The following KIAA0825 variants were observed in gnomAD, a reference collection of about 807,000 sequenced individuals.
KIAA0825 encodes the protein KIAA0825.
In KIAA0825, 119 loss-of-function variants were observed where a neutral mutation model predicts 147.6. The ratio of observed to expected loss-of-function variants is 0.81; its 90% confidence interval spans 0.69 to 0.94. The LOEUF (loss-of-function observed/expected upper bound fraction) is 0.94, where lower values mean the gene tolerates loss of function less well. KIAA0825 is among the 40% of genes least tolerant of loss of function. The pLI is 0.00. For synonymous variants in KIAA0825, 470 were observed against 518.1 expected, an observed-to-expected ratio of 0.91 and a Z score of 1.26; for missense variants, 1,381 against 1,472.7, an observed-to-expected ratio of 0.94 and a Z score of 1.02.
intron 20 of KIAA0825, among the ~76,000 whole-genome samples, chr5:94,330,127 C>T (rs1322526163): frequency 6.6e-6 from 1 of 152,024 alleles, no homozygotes; most frequent in African/African-American, 2.4e-5. Context: ...TTCTCCTACC[C>T]AATAAAGCAC....
At chr5:94,306,038 A>G (rs943346714) in intron 20 of KIAA0825, among the ~76,000 whole-genome samples, 5 of 151,886 alleles carry the variant, frequency 3.3e-5, no homozygotes, top group Non-Finnish European at 7.4e-5. Context: ...CCAATGGCCC[A>G]AGATCTTAAT....
intron 20 of KIAA0825, among the ~76,000 whole-genome samples, chr5:94,227,519 C>A (rs1275692342): frequency 1.3e-5 from 2 of 150,606 alleles, no homozygotes; most frequent in African/African-American, 4.9e-5. Context: ...GCACATTGTG[C>A]ACATGTACCC....
chr5:94,529,559 A>C (rs1347764600), intron 3 of KIAA0825, among the ~76,000 whole-genome samples: 1 of 151,754 alleles, frequency 6.6e-6, no homozygotes, highest in Admixed American at 6.6e-5. Context: ...GGGTACATAC[A>C]TACATGTTTA....
chr5:94,531,287 G>A (rs1471672862), intron 3 of KIAA0825, among the ~76,000 whole-genome samples: 7 of 152,056 alleles, frequency 4.6e-5, no homozygotes, highest in African/African-American at 7.2e-5. Context: ...GTATGATGAC[G>A]GAGAAAGGAG....
chr5:94,278,529 G>A (rs533313312), intron 20 of KIAA0825, among the ~76,000 whole-genome samples: 1 of 152,068 alleles, frequency 6.6e-6, no homozygotes, highest in Non-Finnish European at 1.5e-5. Context: ...TGTGATAAGG[G>A]ATTTTTTAAA....
chr5:94,213,913 C>T (rs575123729), intron 20 of KIAA0825, among the ~76,000 whole-genome samples: 1 of 152,210 alleles, frequency 6.6e-6, no homozygotes, highest in Non-Finnish European at 1.5e-5. Context: ...GCTTTGTTAT[C>T]TGTCCATGCA....
chr5:94,345,166 G>A lies in KIAA0825; in HGVS notation c.3710+39202C>T, dbSNP rs74876135. Reference sequence around the variant, plus strand: ...GAAGAGGATGGTGTTCAGAAAGAGCGTGGTGAGGGTGGGGAACTTCAAGGG... The same window carrying A: ...GAAGAGGATGGTGTTCAGAAAGAGCATGGTGAGGGTGGGGAACTTCAAGGG... On this transcript the variant is annotated intron_variant, in intron 20 of 20. Coordinates refer to ENST00000682413, the MANE Select transcript of KIAA0825 (RefSeq NM_001145678.3). Among the ~76,000 whole-genome samples the A allele has an allele frequency of 8.9e-4, 136 of 152,246 alleles. 1 individual carries two copies. Among genetic ancestry groups the A allele is most frequent in the East Asian group, 8.5e-3 (44 of 5,180 alleles).
At chr5:94,492,578 C>T (rs1280077514) in intron 5 of KIAA0825, among the ~76,000 whole-genome samples, 1 of 152,152 alleles carries the variant, frequency 6.6e-6, no homozygotes, top group Non-Finnish European at 1.5e-5. Flanking sequence ...TGACTGCATT[C>T]CCATTATCCA....
chr5:94,607,348 T>C (rs1787673552), intron 1 of KIAA0825, among the ~76,000 whole-genome samples: 1 of 152,048 alleles, frequency 6.6e-6, no homozygotes, highest in African/African-American at 2.4e-5. Context: ...TCAGGCTGGG[T>C]GCGGTGGCTC....
At chr5:94,512,946 A>G (rs1766715121) in intron 5 of KIAA0825, among the ~76,000 whole-genome samples, 1 of 152,180 alleles carries the variant, frequency 6.6e-6, no homozygotes, top group Admixed American at 6.5e-5. Context: ...TTAAGAGGGT[A>G]AAGCAGAAGC....
chr5:94,599,599 G>A (rs1010114864), intron 1 of KIAA0825, among the ~76,000 whole-genome samples: 1 of 151,894 alleles, frequency 6.6e-6, no homozygotes, highest in African/African-American at 2.4e-5. Context: ...ACTGGAGTAG[G>A]CAATGGTTTC....
chr5:94,334,463 C>T (rs1279403419), intron 20 of KIAA0825, among the ~76,000 whole-genome samples: 1 of 152,138 alleles, frequency 6.6e-6, no homozygotes, highest in Non-Finnish European at 1.5e-5. Flanking sequence ...AAAGATTTCA[C>T]AACCGACTTT....
chr5:94,591,818 G>A lies in KIAA0825; in HGVS notation c.-152-9235C>T, dbSNP rs73132696. ...GCTGGGGAGGCCTCACAACCATGGC[G>A]GAAGGTGGAGAAGCAAAGGCATATA... On this transcript the variant is annotated intron_variant, in intron 1 of 20. Transcript: ENST00000682413. Among the ~76,000 whole-genome samples the A allele has an allele frequency of 8.3e-3, 1,267 of 152,272 alleles. 23 individuals carry two copies. Among genetic ancestry groups the A allele is most frequent in the African/African-American group, 0.028 (1,173 of 41,546 alleles).
chr5:94,162,791 ATAGTT>A (rs1315169280), intron 20 of KIAA0825, among the ~76,000 whole-genome samples: 1 of 152,190 alleles, frequency 6.6e-6, no homozygotes, highest in Non-Finnish European at 1.5e-5. Flanking sequence ...CAAATAACTA[ATAGTT>A]TAGTGTTTTG....
rs1433691848 is a variant in KIAA0825 at position 94,549,652 on chromosome 5, GC to G, written c.-1-12526del. ...TGCTTGAACCCAGGAGGCAGAGGTT[GC>G]AGTGAGCCGAGATTGAGCTACTGCA... On this transcript the variant is annotated intron_variant, in intron 2 of 20. Coordinates refer to ENST00000682413, the MANE Select transcript of KIAA0825 (RefSeq NM_001145678.3). Among the ~76,000 whole-genome samples, 4 of 152,174 alleles carry G rather than the reference GC, an allele frequency of 2.6e-5. No individual in the cohort carries two copies. In the South Asian group the frequency reaches 8.3e-4, roughly 32 times the overall value.
intron 1 of KIAA0825, among the ~76,000 whole-genome samples, chr5:94,601,942 C>A (rs971681767): frequency 6.6e-6 from 1 of 152,116 alleles, no homozygotes; most frequent in Non-Finnish European, 1.5e-5. Flanking sequence ...AGAACTGAGG[C>A]GAATGGAACC....
intron 20 of KIAA0825, among the ~76,000 whole-genome samples, chr5:94,322,057 A>G (rs1340813530): frequency 1.3e-5 from 2 of 152,000 alleles, no homozygotes; most frequent in African/African-American, 2.4e-5. Context: ...TTAATGATGA[A>G]TCATGTGTTT....
At chr5:94,283,967 A>G (rs552540731) in intron 20 of KIAA0825, among the ~76,000 whole-genome samples, 62 of 152,304 alleles carry the variant, frequency 4.1e-4, no homozygotes, top group African/African-American at 1.3e-3. Context: ...GTTCTATTAC[A>G]CACTGAATGC....
chr5:94,252,164 T>A (rs1417979347), intron 20 of KIAA0825, among the ~76,000 whole-genome samples: 1 of 152,028 alleles, frequency 6.6e-6, no homozygotes, highest in East Asian at 1.9e-4. Flanking sequence ...TTCACTACAC[T>A]CTTAGCACAA....
Sources: gnomAD v4.1 joint callset for allele counts (sites outside exome capture counted in the v4.1 genomes callset) on GRCh38, gnomAD v4.1.1 for gene constraint, MANE v1.5 for transcripts, NCBI Gene and HGNC (gene_info 2026-07-23, HGNC 2026-07-21) for gene names.